Variants in TAOK3 observed in about 807,000 individuals in gnomAD.
TAOK3 encodes TAO kinase 3.
A neutral mutation model predicts 120.4 loss-of-function variants in TAOK3; 40 were observed. The ratio of observed to expected loss-of-function variants is 0.33; its 90% CI spans 0.26 to 0.43. The LOEUF (loss-of-function observed/expected upper bound fraction) is 0.43. Ranked by LOEUF, TAOK3 falls within the 20% of genes least tolerant of loss-of-function variation. The pLI is 1.00. For missense variants in TAOK3, 821 were observed against 1,112.1 expected, an observed-to-expected ratio of 0.74 and a Z score of 3.72; for synonymous variants, 355 against 387.5, an observed-to-expected ratio of 0.92 and a Z score of 0.99.
At chr12:118,273,008 A>AGAATAAAT (rs1156854471) in intron 1 of TAOK3, among the ~76,000 whole-genome samples, 1 of 152,052 alleles carries the variant, frequency 6.6e-6, no homozygotes, top group Non-Finnish European at 1.5e-5. Flanking sequence ...CTGATTTTCC[A>AGAATAAAT]TTACAGAAAT....
chr12:118,246,576 G>T lies in TAOK3; in HGVS notation c.121-1611C>A, dbSNP rs921494024. 3.8e-6 allele frequency: 6 copies of T among 1,567,592 alleles called. No individual in the cohort carries two copies. In the African/African-American group the frequency reaches 4.1e-5, roughly 11 times the overall value. On this transcript the variant is annotated intron_variant, in intron 3 of 20. Transcript: ENST00000392533. The stretch of plus-strand genomic sequence containing the variant: ...CCTGGCCAAGCTCTCCATTGTCCCC[G>T]TGCGCAGAGGCTACTGGGGGAACAA...
intron 1 of TAOK3, among the ~76,000 whole-genome samples, chr12:118,280,242 G>C (rs1424313400): frequency 6.6e-6 from 1 of 152,014 alleles, no homozygotes; most frequent in African/African-American, 2.4e-5. Context: ...TGTATTTTTA[G>C]TAGAGACAGC....
chr12:118,321,847 A>G (rs2043719886), intron 1 of TAOK3, among the ~76,000 whole-genome samples: 1 of 151,634 alleles, frequency 6.6e-6, no homozygotes, highest in Admixed American at 6.6e-5. Flanking sequence ...TTTTTTTGAG[A>G]CGGAGTCTCA....
chr12:118,181,948 G>A (rs565654333), intron 14 of TAOK3, among the ~76,000 whole-genome samples: 1 of 152,336 alleles, frequency 6.6e-6, no homozygotes, highest in South Asian at 2.1e-4. Context: ...ACTTTGGGAG[G>A]CTGAGGCAGG....
chr12:118,358,578 A>G (rs2045485519), intron 1 of TAOK3, among the ~76,000 whole-genome samples: 1 of 152,218 alleles, frequency 6.6e-6, no homozygotes, highest in African/African-American at 2.4e-5. Flanking sequence ...GACCTTCAGT[A>G]TATTTCAAGT....
rs558430518 is a variant in TAOK3, at chr12:118,246,663, C to A, written c.121-1698G>T. The A allele has an allele frequency of 1.1e-4, 169 of 1,565,730 alleles. 2 individuals are homozygous for A. The African/African-American group carries it at 2.1e-3, about 20-fold the overall frequency. The stretch of plus-strand genomic sequence containing the variant: ...AGGCCGCTGCGGCTCTGTGCTGGTG[C>A]GCCTCATCCCTGCACCCAGGGGCAC... On this transcript the variant is annotated intron_variant, in intron 3 of 20. Transcript: ENST00000392533.
In TAOK3 at chr12:118,150,560, T is replaced by G. The variant is rs2034319061; in HGVS notation, c.*437A>C. 2 of 153,604 alleles carry G rather than the reference T, an allele frequency of 1.3e-5. No individual in the cohort carries two copies. Among genetic ancestry groups the G allele is most frequent in the African/African-American group, 4.8e-5 (2 of 41,446 alleles). The allele number at this position is 153,604 out of a possible 1,614,324, so 9.5% of individuals were successfully genotyped here. On this transcript the variant is annotated 3_prime_UTR_variant, in exon 21 of 21. Transcript: ENST00000392533. Reference sequence around the variant, plus strand: ...GCAGCAGCTAGTTAAGGTGTAAGGCTGCGGATATTGTGTCTCTCTCCCCCT... The same window carrying G: ...GCAGCAGCTAGTTAAGGTGTAAGGCGGCGGATATTGTGTCTCTCTCCCCCT...
chr12:118,171,868 C>T (rs1188398100), intron 17 of TAOK3, among the ~76,000 whole-genome samples: 1 of 152,226 alleles, frequency 6.6e-6, no homozygotes, highest in Non-Finnish European at 1.5e-5. Flanking sequence ...GCAGAGTCAT[C>T]TAAGCCCTCT....
chr12:118,298,109 T>C (rs928631465), intron 1 of TAOK3, among the ~76,000 whole-genome samples: 1 of 152,170 alleles, frequency 6.6e-6, no homozygotes, highest in Non-Finnish European at 1.5e-5. Flanking sequence ...TAGTTACCAA[T>C]TGGAGAAGAC....
chr12:118,191,201 G>A (rs2037412890), intron 13 of TAOK3, among the ~76,000 whole-genome samples: 1 of 152,074 alleles, frequency 6.6e-6, no homozygotes, highest in African/African-American at 2.4e-5. Flanking sequence ...TTATGTAAAA[G>A]CCAAGACCCA....
rs778149239 is a variant in TAOK3, at chr12:118,177,291, T to C, written c.1605A>G (p.Gln535=). The C allele has an allele frequency of 1.8e-5, 29 of 1,613,676 alleles. 1 individual carries two copies. Among genetic ancestry groups the C allele is most frequent in the Middle Eastern group, 3.3e-4 (2 of 6,084 alleles). The stretch of plus-strand genomic sequence containing the variant: ...CTTTCTTCTGCTGGGCCAAGATCTG[T>C]TGCTGGAACTTCTTCTCATCTGCTG... ...VAAADEKKFQ[Q]QILAQQKKDL... The change falls in exon 16 of 21, where the codon CAA becomes CAG. Residue 535 remains glutamine, a synonymous_variant. Coordinates refer to ENST00000392533, the MANE Select transcript of TAOK3 (RefSeq NM_016281.4).
At chr12:118,336,317 C>T (rs1321287165) in intron 1 of TAOK3, among the ~76,000 whole-genome samples, 1 of 152,126 alleles carries the variant, frequency 6.6e-6, no homozygotes, top group Non-Finnish European at 1.5e-5. Flanking sequence ...GATTTATTTA[C>T]AAAGGTGATT....
intron 1 of TAOK3, among the ~76,000 whole-genome samples, chr12:118,352,216 A>G (rs2045201768): frequency 2.0e-5 from 3 of 152,010 alleles, no homozygotes; most frequent in African/African-American, 7.2e-5. Context: ...TATCAAAACT[A>G]TATCTCTCCA....
At chr12:118,177,421 A>C (rs2138783446) in intron 15 of TAOK3, 92 bp from the exon 16 acceptor site, 1 of 909,738 alleles carries the variant, frequency 1.1e-6, no homozygotes, top group African/African-American at 1.7e-5. Context: ...ACAGTCCATG[A>C]GTGCTAATAA....
At chr12:118,235,956 A>G (rs2040003387) in intron 7 of TAOK3, 2 of 282,248 alleles carry the variant, frequency 7.1e-6, no homozygotes, top group African/African-American at 4.3e-5. Flanking sequence ...ATGGCGAACA[A>G]GAAAACCTAT....
At chr12:118,222,080 C>T (rs558482752) in intron 9 of TAOK3, among the ~76,000 whole-genome samples, 1 of 152,274 alleles carries the variant, frequency 6.6e-6, no homozygotes, top group Admixed American at 6.5e-5. Flanking sequence ...CATGTAAGAT[C>T]AAGGTTCAGG....
At chr12:118,179,377 C>G (rs1251193719) in intron 15 of TAOK3, among the ~76,000 whole-genome samples, 1 of 152,184 alleles carries the variant, frequency 6.6e-6, no homozygotes, top group Non-Finnish European at 1.5e-5. Flanking sequence ...CTTGAGCAGG[C>G]AGATCTGCTT....
chr12:118,217,419 G>A (rs1168302403), intron 9 of TAOK3, among the ~76,000 whole-genome samples: 3 of 152,114 alleles, frequency 2.0e-5, no homozygotes, highest in Non-Finnish European at 4.4e-5. Flanking sequence ...AGGCATGGTG[G>A]CTCATGCCTA....
intron 9 of TAOK3, among the ~76,000 whole-genome samples, chr12:118,214,458 T>G (rs182874789): frequency 6.6e-6 from 1 of 152,168 alleles, no homozygotes; most frequent in African/African-American, 2.4e-5. Context: ...AAAATATATA[T>G]TCTCTCCTTG....
Sources: allele counts gnomAD v4.1 joint callset (sites outside exome capture counted in the v4.1 genomes callset), GRCh38; gene constraint gnomAD v4.1.1; transcripts MANE v1.5; gene names NCBI Gene and HGNC (gene_info 2026-07-23, HGNC 2026-07-21).